Variants in PCDH9 observed in about 807,000 individuals in gnomAD.
PCDH9 encodes protocadherin 9, also known as protocadherin-9.
Under a neutral mutation model 70.6 loss-of-function variants are expected in PCDH9, and 24 were observed. That is an observed-to-expected ratio of 0.34 (90% CI 0.25 to 0.48). The LOEUF (loss-of-function observed/expected upper bound fraction) is 0.48. Among genes scored for constraint, PCDH9 ranks in the 20% least tolerant of loss-of-function variants. The pLI is 0.99. For synonymous variants in PCDH9, 562 were observed against 558.5 expected, an observed-to-expected ratio of 1.01 and a Z score of -0.09; for missense variants, 1,281 against 1,503.6, an observed-to-expected ratio of 0.85 and a Z score of 2.45.
In PCDH9 at chr13:67,228,415, A is replaced by C; in HGVS notation, c.26T>G (p.Leu9Trp). 2.5e-6 allele frequency: 4 copies of C among 1,591,780 alleles called. No homozygotes were observed. The highest frequency in any genetic ancestry group is 2.6e-6 in the Non-Finnish European group (3 of 1,170,588). Residue 9 changes from leucine to tryptophan, a missense_variant, in exon 2 of 5, where the codon TTG (leucine) becomes TGG (tryptophan). By Grantham distance (61) the Leu-to-Trp change is moderately conservative (BLOSUM62 -2). Around this residue, in one of 4 missense-constraint regions of PCDH9, gnomAD observed 798 missense variants for 1,003.1 expected, o/e 0.80. Coordinates refer to ENST00000377865, the MANE Select transcript of PCDH9 (RefSeq NM_203487.3). MDLRDFYL[L>W]AALIACLRLD... ...CCTTAAACAGGCAATCAGAGCAGCC[A>C]ACAGGTAAAAATCCCTCAGGTCCAT...
intron 2 of PCDH9, among the ~76,000 whole-genome samples, chr13:67,074,912 C>G (rs1202574730): frequency 6.6e-6 from 1 of 151,950 alleles, no homozygotes; most frequent in Non-Finnish European, 1.5e-5. Flanking sequence ...ATATAATTGC[C>G]TGGTACCCTA....
At chr13:66,771,152 G>A (rs1308961118) in intron 3 of PCDH9, among the ~76,000 whole-genome samples, 1 of 152,116 alleles carries the variant, frequency 6.6e-6, no homozygotes, top group Non-Finnish European at 1.5e-5. Context: ...ATGCAATCAT[G>A]ATGTACTACA....
intron 2 of PCDH9, among the ~76,000 whole-genome samples, chr13:67,113,619 C>T (rs1243911008): frequency 5.3e-5 from 8 of 151,848 alleles, no homozygotes; most frequent in Admixed American, 5.2e-4. Context: ...GCCATCTCGG[C>T]TCACTGCAAG....
intron 4 of PCDH9, among the ~76,000 whole-genome samples, chr13:66,480,870 T>C (rs919552292): frequency 1.3e-5 from 2 of 152,214 alleles, no homozygotes. Context: ...CATATGTTTA[T>C]TACAGTACTG....
chr13:66,953,866 T>A (rs1209536167), intron 2 of PCDH9, among the ~76,000 whole-genome samples: 2 of 152,186 alleles, frequency 1.3e-5, no homozygotes, highest in African/African-American at 2.4e-5. Context: ...AAGATCATAC[T>A]CTCTTTCCTG....
At chr13:66,627,887 G>A (rs1953761798) in intron 4 of PCDH9, among the ~76,000 whole-genome samples, 1 of 152,104 alleles carries the variant, frequency 6.6e-6, no homozygotes. Context: ...TTTTCCATTT[G>A]GCACCTGGCC....
chr13:66,334,447 T>C (rs1239200982), intron 4 of PCDH9, among the ~76,000 whole-genome samples: 2 of 151,946 alleles, frequency 1.3e-5, no homozygotes, highest in Non-Finnish European at 2.9e-5. Flanking sequence ...AACCATCAGG[T>C]TGAAGTTTTT....
At chr13:66,840,257 A>G (rs1481530817) in intron 3 of PCDH9, among the ~76,000 whole-genome samples, 1 of 137,992 alleles carries the variant, frequency 7.2e-6, no homozygotes, top group Non-Finnish European at 1.6e-5. Context: ...ATTACATTAG[A>G]AAGGTAGTAT....
intron 3 of PCDH9, among the ~76,000 whole-genome samples, chr13:66,794,003 A>G (rs374171510): frequency 9.2e-5 from 14 of 152,260 alleles, no homozygotes; most frequent in African/African-American, 3.1e-4. Flanking sequence ...CATATACAGT[A>G]TATGTATATG....
intron 3 of PCDH9, among the ~76,000 whole-genome samples, chr13:66,831,185 T>C (rs903701912): frequency 3.7e-4 from 57 of 152,216 alleles, no homozygotes; most frequent in Non-Finnish European, 2.6e-4. Context: ...TACTGATCTT[T>C]GGTGCATACT....
At chr13:67,206,003 G>C (rs1034422466) in intron 2 of PCDH9, 1 of 152,198 alleles carries the variant, frequency 6.6e-6, no homozygotes, top group Admixed American at 6.5e-5. Flanking sequence ...ACCACGCCTG[G>C]ATATTTTTTG....
rs1045527525 is a variant in PCDH9, at chr13:66,792,377, A to G, written c.3138+111127T>C. On this transcript the variant is annotated intron_variant, in intron 3 of 4. Coordinates refer to ENST00000377865, the MANE Select transcript of PCDH9 (RefSeq NM_203487.3). ...CCATATATGTGCAGCTTGTTATAAA[A>G]CCCAAACCTGGGCCAGGCACGGTGG... Among the ~76,000 whole-genome samples the G allele has an allele frequency of 3.9e-5, 6 of 152,050 alleles. No individual in the cohort carries two copies. In the South Asian group the frequency reaches 1.2e-3, roughly 31 times the overall value.
chr13:67,141,608 T>C (rs2087390797), intron 2 of PCDH9, among the ~76,000 whole-genome samples: 1 of 151,964 alleles, frequency 6.6e-6, no homozygotes, highest in South Asian at 2.1e-4. Context: ...GCCCAGCTAA[T>C]TTTTGTATTT....
At chr13:67,140,501 C>T (rs1594566848) in intron 2 of PCDH9, among the ~76,000 whole-genome samples, 1 of 152,118 alleles carries the variant, frequency 6.6e-6, no homozygotes, top group Non-Finnish European at 1.5e-5. Context: ...AGAAACCAGT[C>T]CTCTTTTTAG....
At chr13:66,878,409 T>C (rs2081858728) in intron 3 of PCDH9, among the ~76,000 whole-genome samples, 1 of 151,944 alleles carries the variant, frequency 6.6e-6, no homozygotes, top group African/African-American at 2.4e-5. Context: ...GTATTTTTAG[T>C]AGAGACAGGG....
chr13:67,165,551 T>G (rs1347715097), intron 2 of PCDH9, among the ~76,000 whole-genome samples: 1 of 152,124 alleles, frequency 6.6e-6, no homozygotes, highest in Non-Finnish European at 1.5e-5. Flanking sequence ...TGGGCTTACA[T>G]GGCAGAACTG....
At chr13:66,305,315 G>T (rs1219133923) in intron 4 of PCDH9, among the ~76,000 whole-genome samples, 1 of 151,702 alleles carries the variant, frequency 6.6e-6, no homozygotes, top group Non-Finnish European at 1.5e-5. Context: ...GGGTAAACAG[G>T]TATAACCATG....
At chr13:66,889,150 G>A (rs536527096) in intron 3 of PCDH9, among the ~76,000 whole-genome samples, 3 of 152,132 alleles carry the variant, frequency 2.0e-5, no homozygotes, top group Admixed American at 6.6e-5. Context: ...AAGTACTATC[G>A]TATTGAGAAA....
At chr13:66,779,746 G>T (rs7321757) in intron 3 of PCDH9, among the ~76,000 whole-genome samples, 2,668 of 151,484 alleles carry the variant, frequency 0.018, 79 homozygotes, top group African/African-American at 0.06. Flanking sequence ...ACTTGAACCT[G>T]GGAGGCGGTG....
Sources: gnomAD v4.1 joint callset for allele counts (sites outside exome capture counted in the v4.1 genomes callset) on GRCh38, gnomAD v4.1.1 for gene constraint, gnomAD v4.1.1 regional missense constraint, MANE v1.5 for transcripts, NCBI Gene and HGNC (gene_info 2026-07-23, HGNC 2026-07-21) for gene names.